Variants in ZNF568 observed in about 807,000 individuals in gnomAD.
ZNF568 encodes zinc finger protein 568.
Under a neutral mutation model 18.1 loss-of-function variants are expected in ZNF568, and 11 were observed. The observed-to-expected ratio is 0.61, with a 90% CI of 0.38 to 1.00. The LOEUF (loss-of-function observed/expected upper bound fraction) is 1.00. Among genes scored for constraint, ZNF568 ranks in the 50% least tolerant of loss-of-function variants. The pLI is 0.01. For missense variants in ZNF568, 639 were observed against 768.2 expected, an observed-to-expected ratio of 0.83 and a Z score of 1.99; for synonymous variants, 213 against 246.6, an observed-to-expected ratio of 0.86 and a Z score of 1.28.
intron 6 of ZNF568, among the ~76,000 whole-genome samples, chr19:36,959,297 G>A (rs2074130774): frequency 6.6e-6 from 1 of 152,070 alleles, no homozygotes; most frequent in African/African-American, 2.4e-5. Context: ...CCTTTATTCT[G>A]ATGTGATGTA....
intron 4 of ZNF568, among the ~76,000 whole-genome samples, chr19:36,930,310 C>T (rs1333605639): frequency 1.3e-5 from 2 of 151,532 alleles, no homozygotes; most frequent in Non-Finnish European, 1.5e-5. Flanking sequence ...CCCAGGTTCA[C>T]GCCATTCTCC....
chr19:36,989,453 G>C (rs537175512), intron 2 of ZNF568, among the ~76,000 whole-genome samples: 2 of 152,344 alleles, frequency 1.3e-5, no homozygotes, highest in South Asian at 4.1e-4. Flanking sequence ...AAAGTGCTGG[G>C]ATTTACAGGT....
intron 6 of ZNF568, among the ~76,000 whole-genome samples, chr19:36,946,624 AT>A (rs1321811986): frequency 7.0e-6 from 1 of 142,860 alleles, no homozygotes; most frequent in East Asian, 2.0e-4. Context: ...GATAAAAGAA[AT>A]TTTTTAGTTT....
chr19:36,997,271 G>A (rs776817872), downstream of ZNF568: 13 of 1,603,596 alleles, frequency 8.1e-6, no homozygotes, highest in African/African-American at 1.5e-4. Context: ...CGACATCAGA[G>A]TGTCCATACT....
intron 7 of ZNF568, among the ~76,000 whole-genome samples, chr19:36,976,722 C>T (rs1169996740): frequency 3.9e-5 from 6 of 152,004 alleles, no homozygotes; most frequent in African/African-American, 1.4e-4. Flanking sequence ...ACCAGCCTGA[C>T]CAACATGGAG....
chr19:36,927,142 A>G (rs1405586597), intron 4 of ZNF568, among the ~76,000 whole-genome samples: 1 of 152,198 alleles, frequency 6.6e-6, no homozygotes, highest in African/African-American at 2.4e-5. Flanking sequence ...TTGTATAGAC[A>G]TTGAAGTTTG....
chr19:36,927,887 T>TAA (rs1491142078), intron 4 of ZNF568, among the ~76,000 whole-genome samples: 3 of 39,070 alleles, frequency 7.7e-5, no homozygotes, highest in Non-Finnish European at 1.2e-4. Context: ...TATATATATA[T>TAA]TATATATATA....
At chr19:36,963,075 T>G (rs1233944825) in intron 6 of ZNF568, among the ~76,000 whole-genome samples, 1 of 152,194 alleles carries the variant, frequency 6.6e-6, no homozygotes, top group Non-Finnish European at 1.5e-5. Flanking sequence ...AGGTTTTCAT[T>G]GCTAAATAAT....
At chr19:36,936,328 T>G (rs1049991645) in intron 4 of ZNF568, among the ~76,000 whole-genome samples, 5 of 152,326 alleles carry the variant, frequency 3.3e-5, no homozygotes, top group Non-Finnish European at 7.4e-5. Context: ...TTAAAGAAGC[T>G]GAGAAAAGAG....
chr19:36,964,580 G>T (rs113674819), intron 6 of ZNF568, among the ~76,000 whole-genome samples: 2,594 of 152,294 alleles, frequency 0.017, 34 homozygotes, highest in African/African-American at 0.036. Context: ...TGGGAAGCCA[G>T]GGTGGGAAGA....
intron 6 of ZNF568, among the ~76,000 whole-genome samples, chr19:36,971,276 G>A (rs1403667870): frequency 7.0e-6 from 1 of 142,742 alleles, no homozygotes; most frequent in African/African-American, 2.6e-5. Context: ...TTTTTTTTTC[G>A]CATTTCTAAT....
chr19:36,985,749 C>G (rs1791922098), intron 2 of ZNF568, among the ~76,000 whole-genome samples: 2 of 152,210 alleles, frequency 1.3e-5, no homozygotes, highest in South Asian at 4.1e-4. Flanking sequence ...TCTCGAACCC[C>G]TGACCTCAAG....
At chr19:36,940,181 T>C (rs2073857272) in intron 6 of ZNF568, among the ~76,000 whole-genome samples, 1 of 152,220 alleles carries the variant, frequency 6.6e-6, no homozygotes, top group Admixed American at 6.5e-5. Context: ...ATTAAATAGG[T>C]ATTTAACTCT....
At chr19:36,986,521 A>T (rs760452896) in intron 2 of ZNF568, among the ~76,000 whole-genome samples, 3 of 152,152 alleles carry the variant, frequency 2.0e-5, no homozygotes, top group Non-Finnish European at 4.4e-5. Flanking sequence ...TCATCCTTGA[A>T]TTCTAAAATA....
chr19:36,941,915 C>T (rs536672273), intron 6 of ZNF568, among the ~76,000 whole-genome samples: 1 of 151,618 alleles, frequency 6.6e-6, no homozygotes, highest in Non-Finnish European at 1.5e-5. Flanking sequence ...TTATTTTTGA[C>T]TTTTTTTAAC....
In ZNF568 at chr19:36,991,398, C is replaced by A. The variant is rs1644680; in HGVS notation, c.133+99C>A. 4.8e-3 allele frequency: 6,498 copies of A among 1,366,726 alleles called. 265 individuals carry two copies. In the African/African-American group the frequency reaches 0.084, roughly 18 times the overall value. 84.7% of individuals were successfully genotyped at this position (1,366,726 alleles called of 1,614,324 possible). ...CTTTTTTCTGAGTTTGTCCCAAGTGCTTTTCAAGTACCTGGATGAGTTAAT... is the reference window on the plus strand; with the variant it reads ...CTTTTTTCTGAGTTTGTCCCAAGTGATTTTCAAGTACCTGGATGAGTTAAT... On this transcript the variant is annotated intron_variant, in intron 3 of 4. Transcript: ENST00000433993.
chr19:36,967,183 GCTCTAAAGGGCCTTTT>G (rs1189274939), intron 6 of ZNF568, among the ~76,000 whole-genome samples: 1 of 152,168 alleles, frequency 6.6e-6, no homozygotes, highest in East Asian at 1.9e-4. Context: ...CTCTCCCTCA[GCTCTAAAGGGCCTTTT>G]AGAGTCCTCC....
chr19:36,946,044 G>A (rs942018748), intron 6 of ZNF568, among the ~76,000 whole-genome samples: 2 of 151,888 alleles, frequency 1.3e-5, no homozygotes, highest in Admixed American at 6.6e-5. Flanking sequence ...GCAGTGAGCC[G>A]AGATTGCGCC....
rs76195771 is a variant in ZNF568, at chr19:36,989,861, G to T, written c.10-1315G>T. ...ATACCAGGATTAGCATTTTTTAGAT[G>T]CATGTTCTTCCACCGAGAGTACTGA... On this transcript the variant is annotated intron_variant, in intron 2 of 4. Transcript: ENST00000433993. Among the ~76,000 whole-genome samples the T allele has an allele frequency of 3.8e-3, 585 of 152,178 alleles. 4 individuals are homozygous for T. Among genetic ancestry groups the T allele is most frequent in the African/African-American group, 0.013 (557 of 41,540 alleles).
Sources: allele counts gnomAD v4.1 joint callset (sites outside exome capture counted in the v4.1 genomes callset), GRCh38; gene constraint gnomAD v4.1.1; transcripts MANE v1.5; gene names NCBI Gene and HGNC (gene_info 2026-07-23, HGNC 2026-07-21).